Variants in MED12L observed in about 807,000 individuals in gnomAD.
MED12L encodes mediator complex subunit 12L.
A neutral mutation model predicts 281.3 loss-of-function variants in MED12L; 60 were observed. The observed-to-expected ratio is 0.21, with a 90% CI of 0.17 to 0.26. The LOEUF (loss-of-function observed/expected upper bound fraction) is 0.26, where lower values mean the gene tolerates loss of function less well. MED12L is among the 10% of genes least tolerant of loss of function. The probability of loss-of-function intolerance (pLI) is 1.00; values close to 1 mark genes in which losing one functional copy is unlikely to be tolerated. For synonymous variants in MED12L, 974 were observed against 987.2 expected (o/e 0.99, Z 0.25); for missense variants, 2,146 against 2,680.9 (o/e 0.80, Z 4.41).
intron 16 of MED12L, among the ~76,000 whole-genome samples, chr3:151,275,208 A>G (rs1186204835): frequency 6.6e-6 from 1 of 152,096 alleles, no homozygotes; most frequent in Non-Finnish European, 1.5e-5. Context: ...CGAGGATCAG[A>G]TTTTTTTCCC....
At position 151,436,618 on chromosome 3, in the gene MED12L, T is replaced by G; in HGVS notation, c.*3814T>G. ...GTATTCAAATTCATTTACATGCCTA[T>G]GGCTGCCTTTGATTAAACTTCTTCC... On this transcript the variant is annotated 3_prime_UTR_variant, in exon 45 of 45. Coordinates refer to ENST00000687756, the MANE Select transcript of MED12L (RefSeq NM_001393769.1). 9.5e-7 allele frequency: 1 copy of G among 1,052,724 alleles called. No homozygotes were observed. The highest frequency in any genetic ancestry group is 1.4e-6 in the Non-Finnish European group (1 of 712,914). The allele number at this position is 1,052,724 out of a possible 1,614,324, so 65.2% of individuals were successfully genotyped here.
chr3:151,098,541 C>G (rs193216450), intron 2 of MED12L, among the ~76,000 whole-genome samples: 2 of 152,266 alleles, frequency 1.3e-5, no homozygotes, highest in African/African-American at 2.4e-5. Context: ...GCTTCTTTGA[C>G]TTGTGTCCAC....
intron 2 of MED12L, among the ~76,000 whole-genome samples, chr3:151,103,182 C>CTTCGTTCT (rs3070905): frequency 6.6e-6 from 1 of 151,474 alleles, no homozygotes; most frequent in South Asian, 2.1e-4. Context: ...TACCTTAAGT[C>CTTCGTTCT]TGCTTTATGA....
intron 16 of MED12L, among the ~76,000 whole-genome samples, chr3:151,261,880 A>G (rs1738982124): frequency 1.3e-5 from 2 of 151,998 alleles, no homozygotes; most frequent in Admixed American, 6.6e-5. Flanking sequence ...GTTCGTCACC[A>G]TGCCTGGCTA....
intron 16 of MED12L, chr3:151,294,121 CATTT>C: frequency 8.9e-7 from 1 of 1,126,726 alleles, no homozygotes; most frequent in Non-Finnish European, 1.3e-6. Flanking sequence ...TGAAAAGAAA[CATTT>C]ATTTACACTT....
At chr3:151,168,171 G>A (rs943335265) in intron 11 of MED12L, among the ~76,000 whole-genome samples, 4 of 152,150 alleles carry the variant, frequency 2.6e-5, no homozygotes, top group African/African-American at 7.2e-5. Flanking sequence ...CACACTGTGA[G>A]GTTCTTTGTA....
intron 16 of MED12L, chr3:151,336,376 T>C (rs1054481980): frequency 2.6e-6 from 1 of 379,314 alleles, no homozygotes; most frequent in Non-Finnish European, 5.2e-6. Context: ...AGTAGTTAAA[T>C]GAGTTCAGCT....
chr3:151,417,487 C>T (rs76974210), intron 43 of MED12L, among the ~76,000 whole-genome samples: 11,506 of 78,848 alleles, frequency 0.15, 1,365 homozygotes, highest in East Asian at 0.47. Context: ...CCCCCCCCGC[C>T]TTTTTTTTTT....
intron 16 of MED12L, among the ~76,000 whole-genome samples, chr3:151,318,181 C>T (rs981367566): frequency 6.0e-5 from 9 of 151,146 alleles, no homozygotes; most frequent in African/African-American, 1.2e-4. Flanking sequence ...AAGTATGTTA[C>T]GGAAAAGTAG....
At chr3:151,156,586 C>G (rs1719317079) in intron 6 of MED12L, among the ~76,000 whole-genome samples, 1 of 152,186 alleles carries the variant, frequency 6.6e-6, no homozygotes. Context: ...CGTAATTGCA[C>G]TATTAAATGT....
chr3:151,291,857 T>C (rs1744295778), intron 16 of MED12L, among the ~76,000 whole-genome samples: 1 of 152,232 alleles, frequency 6.6e-6, no homozygotes, highest in South Asian at 2.1e-4. Context: ...TTTTGTCATA[T>C]GACTTTTAAA....
At chr3:151,352,588 G>A (rs1164529630) in intron 17 of MED12L, among the ~76,000 whole-genome samples, 4 of 152,186 alleles carry the variant, frequency 2.6e-5, no homozygotes, top group Admixed American at 6.5e-5. Context: ...CAGACCTTGT[G>A]TTAGCATGTA....
intron 16 of MED12L, chr3:151,294,225 G>C: frequency 6.2e-7 from 1 of 1,613,382 alleles, no homozygotes; most frequent in East Asian, 2.2e-5. Flanking sequence ...ACACTTTGCA[G>C]TGATCTGATG....
intron 16 of MED12L, among the ~76,000 whole-genome samples, chr3:151,285,260 A>G (rs1043708349): frequency 3.3e-5 from 5 of 151,960 alleles, no homozygotes; most frequent in South Asian, 4.2e-4. Context: ...TGAGGTGGGC[A>G]GATCACAAGG....
intron 44 of MED12L, among the ~76,000 whole-genome samples, chr3:151,431,089 A>C (rs922720718): frequency 6.6e-6 from 1 of 152,216 alleles, no homozygotes; most frequent in Non-Finnish European, 1.5e-5. Context: ...CCTTTTAGAA[A>C]TGGGAGCAAG....
intron 5 of MED12L, among the ~76,000 whole-genome samples, chr3:151,148,068 G>T (rs908692621): frequency 6.6e-6 from 1 of 152,106 alleles, no homozygotes; most frequent in Admixed American, 6.5e-5. Context: ...CTGTCCTAGC[G>T]GTATTTCATT....
chr3:151,182,693 C>T (rs980277599), intron 11 of MED12L, among the ~76,000 whole-genome samples: 3 of 152,120 alleles, frequency 2.0e-5, no homozygotes, highest in Non-Finnish European at 4.4e-5. Context: ...GGACTCTCAG[C>T]TTTCTGGCCT....
intron 16 of MED12L, among the ~76,000 whole-genome samples, chr3:151,236,593 C>T (rs1157587410): frequency 2.0e-5 from 3 of 152,120 alleles, no homozygotes; most frequent in Admixed American, 2.0e-4. Flanking sequence ...ACTTTTATTC[C>T]ACATTACCTG....
In MED12L at chr3:151,214,335, A is replaced by G. The variant is rs762536100; in HGVS notation, c.2250+20669A>G. ...TGATCATCTTGTAACTTCTGAAGGCAGAGGCCTGAAAAGAGGTGTGAACTG... is the reference window on the plus strand; with the variant it reads ...TGATCATCTTGTAACTTCTGAAGGCGGAGGCCTGAAAAGAGGTGTGAACTG... On this transcript the variant is annotated intron_variant, in intron 16 of 44. Coordinates refer to ENST00000687756, the MANE Select transcript of MED12L (RefSeq NM_001393769.1). 2.5e-6 allele frequency: 4 copies of G among 1,604,296 alleles called. No homozygotes were observed. The Admixed American group carries it at 5.0e-5, about 20-fold the overall frequency.
Sources: allele counts gnomAD v4.1 joint callset (sites outside exome capture counted in the v4.1 genomes callset), GRCh38; gene constraint gnomAD v4.1.1; transcripts MANE v1.5; gene names NCBI Gene and HGNC (gene_info 2026-07-23, HGNC 2026-07-21).